The following IGF1R variants were observed in gnomAD, a reference collection of about 807,000 sequenced individuals.
The protein encoded by IGF1R is insulin like growth factor 1 receptor, also known as insulin-like growth factor 1 receptor.
A neutral mutation model predicts 144.6 loss-of-function variants in IGF1R; 44 were observed. That is an observed-to-expected ratio of 0.30 (90% confidence interval 0.24 to 0.39). IGF1R has a LOEUF of 0.39. Ranked by LOEUF, IGF1R falls within the 10% of genes least tolerant of loss-of-function variation. The pLI is 1.00. For missense variants in IGF1R, 1,355 were observed against 1,833.7 expected, an observed-to-expected ratio of 0.74 and a Z score of 4.77; for synonymous variants, 795 against 722.8, an observed-to-expected ratio of 1.10 and a Z score of -1.60.
intron 1 of IGF1R, among the ~76,000 whole-genome samples, chr15:98,683,995 G>C (rs940858014): frequency 2.0e-5 from 3 of 152,178 alleles, no homozygotes; most frequent in Non-Finnish European, 2.9e-5. Flanking sequence ...GCCCTGAGCA[G>C]TATTGTCTTC....
At chr15:98,835,718 G>A (rs2057088110) in intron 2 of IGF1R, among the ~76,000 whole-genome samples, 1 of 152,220 alleles carries the variant, frequency 6.6e-6, no homozygotes, top group African/African-American at 2.4e-5. Flanking sequence ...TGTGGTTGGG[G>A]TCTGGGAATA....
Position 98,648,994 on chromosome 15 carries a change from GGCGGCGCTGAGGGAGGAGGCGGCGGCGA to G in IGF1R, c.-583_-556del. ...TTGGGAAGGAGCTCGCCGCGGCGGC[GGCGGCGCTGAGGGAGGAGGCGGCGGCGA>G]GCGGAGCCAGGAGGAGGAGGAGGAG... On this transcript the variant is annotated 5_prime_UTR_variant, in exon 1 of 21. Transcript: ENST00000650285. 4.6e-6 allele frequency: 1 copy of G among 215,344 alleles called. No homozygotes were observed. Among genetic ancestry groups the G allele is most frequent in the Non-Finnish European group, 9.3e-6 (1 of 108,074 alleles). 13.3% of individuals were successfully genotyped at this position (215,344 alleles called of 1,614,324 possible).
intron 4 of IGF1R, chr15:98,897,223 A>G: frequency 2.8e-6 from 1 of 361,902 alleles, no homozygotes; most frequent in Non-Finnish European, 5.2e-6. Flanking sequence ...CCATTGGATC[A>G]GACGTGTGAC....
rs2016095951 is a variant in IGF1R at position 98,935,214 on chromosome 15, G to A, written c.3187-102G>A. 3.0e-6 allele frequency: 3 copies of A among 990,412 alleles called. No individual in the cohort carries two copies. Among genetic ancestry groups the A allele is most frequent in the Non-Finnish European group, 4.7e-6 (3 of 636,032 alleles). The allele number at this position is 990,412 out of a possible 1,614,324, so 61.4% of individuals were successfully genotyped here. On this transcript the variant is annotated intron_variant, in intron 16 of 20. Transcript: ENST00000650285. The surrounding 1 kb of genome is among the most constrained non-coding windows in gnomAD (Gnocchi z 4.2). ...CTCACTGCTACCTTCAGACCCCTGTGCTCAGACCAGGCCGCAGCACCACAG... is the reference window on the plus strand; with the variant it reads ...CTCACTGCTACCTTCAGACCCCTGTACTCAGACCAGGCCGCAGCACCACAG...
chr15:98,748,716 T>C (rs1471431462), intron 2 of IGF1R, among the ~76,000 whole-genome samples: 1 of 152,244 alleles, frequency 6.6e-6, no homozygotes, highest in East Asian at 1.9e-4. Flanking sequence ...TTTCAGAGTA[T>C]GTGAACACTT....
chr15:98,950,855 C>T (rs1567219138), intron 20 of IGF1R, among the ~76,000 whole-genome samples: 1 of 152,128 alleles, frequency 6.6e-6, no homozygotes, highest in African/African-American at 2.4e-5. Flanking sequence ...ATTCCATAGT[C>T]TCAGAAATCA....
At chr15:98,672,352 G>A (rs1402508662) in intron 1 of IGF1R, among the ~76,000 whole-genome samples, 1 of 152,128 alleles carries the variant, frequency 6.6e-6, no homozygotes, top group Non-Finnish European at 1.5e-5. Flanking sequence ...ATCACCTGTG[G>A]TCGGGAGTTT....
At position 98,899,627 on chromosome 15, in the gene IGF1R, T is replaced by C; in HGVS notation, c.1247+6T>C. On this transcript the variant is annotated splice_donor_region_variant and intron_variant, in intron 5 of 20. Transcript: ENST00000650285. ...GGAGAGGAGCAGCTAGAAGGGTAAG[T>C]GCCCCAAATTTCATGAGCTGACGTT... 6.2e-7 allele frequency: 1 copy of C among 1,613,952 alleles called. No homozygotes were observed. The highest frequency in any genetic ancestry group is 8.5e-7 in the Non-Finnish European group (1 of 1,179,886).
At chr15:98,701,660 G>T (rs1283895204) in intron 1 of IGF1R, among the ~76,000 whole-genome samples, 3 of 152,074 alleles carry the variant, frequency 2.0e-5, no homozygotes, top group Non-Finnish European at 2.9e-5. Context: ...TATTTTTAAA[G>T]AAGAGTTGAT....
At position 98,708,126 on chromosome 15, in the gene IGF1R, G is replaced by A. The variant is rs1481962144; in HGVS notation, c.640+19G>A. The A allele has an allele frequency of 1.2e-6, 2 of 1,604,564 alleles. No individual in the cohort carries two copies. The highest frequency in any genetic ancestry group is 1.7e-6 in the Non-Finnish European group (2 of 1,173,208). The stretch of plus-strand genomic sequence containing the variant: ...CAGAAAAGTAAGAATGATGCTGACT[G>A]CTGCTTTCTCTCTGCCTCTCTCTCT... On this transcript the variant is annotated intron_variant, in intron 2 of 20. Coordinates refer to ENST00000650285, the MANE Select transcript of IGF1R (RefSeq NM_000875.5).
At chr15:98,916,909 A>G (rs761528168) in intron 10 of IGF1R, 33 bp downstream of exon 10, 14 of 1,586,874 alleles carry the variant, frequency 8.8e-6, no homozygotes, top group Non-Finnish European at 1.1e-5. Context: ...CAGTTGGCAA[A>G]ACCCACTGCT....
At chr15:98,665,754 G>A (rs1483271932) in intron 1 of IGF1R, among the ~76,000 whole-genome samples, 1 of 152,228 alleles carries the variant, frequency 6.6e-6, no homozygotes, top group Non-Finnish European at 1.5e-5. Flanking sequence ...TGCCAGAACA[G>A]GAGAAGGCTT....
In IGF1R at chr15:98,713,897, G is replaced by A. The variant is rs554372988; in HGVS notation, c.640+5790G>A. ...CCCTGAGTGCGTGTGAGAAGGCCTG[G>A]GCTTTGCCAGGAAATCCAGGAAGGC... On this transcript the variant is annotated intron_variant, in intron 2 of 20. Coordinates refer to ENST00000650285, the MANE Select transcript of IGF1R (RefSeq NM_000875.5). Among the ~76,000 whole-genome samples, 19 of 152,308 alleles carry A rather than the reference G, an allele frequency of 1.2e-4. No homozygotes were observed. In the East Asian group the frequency reaches 3.5e-3, roughly 28 times the overall value.
intron 2 of IGF1R, among the ~76,000 whole-genome samples, chr15:98,750,849 T>TG (rs2054992751): frequency 6.6e-6 from 1 of 152,140 alleles, no homozygotes; most frequent in East Asian, 1.9e-4. Context: ...TGCAATGGCG[T>TG]GATCACTACT....
intron 1 of IGF1R, among the ~76,000 whole-genome samples, chr15:98,669,104 G>C (rs1401912310): frequency 6.6e-6 from 1 of 152,192 alleles, no homozygotes; most frequent in Non-Finnish European, 1.5e-5. Context: ...AATCAGTATC[G>C]ATCAAGCCTT....
At chr15:98,762,599 G>T (rs1350033764) in intron 2 of IGF1R, among the ~76,000 whole-genome samples, 4 of 151,976 alleles carry the variant, frequency 2.6e-5, no homozygotes, top group African/African-American at 9.7e-5. Context: ...GTGGTGGCAC[G>T]TGCCTGTAAT....
intron 1 of IGF1R, among the ~76,000 whole-genome samples, chr15:98,701,129 G>T (rs574641090): frequency 6.6e-6 from 1 of 151,842 alleles, no homozygotes. Context: ...ATAGTATGCC[G>T]CTTACTGAGA....
chr15:98,865,584 C>T (rs2012391045), intron 2 of IGF1R, among the ~76,000 whole-genome samples: 2 of 152,282 alleles, frequency 1.3e-5, no homozygotes, highest in South Asian at 4.1e-4. Flanking sequence ...CCGGGCGTGG[C>T]TTTGTGGTTT....
intron 2 of IGF1R, among the ~76,000 whole-genome samples, chr15:98,763,473 T>A (rs1215654233): frequency 6.6e-6 from 1 of 151,804 alleles, no homozygotes; most frequent in Non-Finnish European, 1.5e-5. Context: ...TTTTTTTTTT[T>A]CTTTTTGAGA....
Sources: gnomAD v4.1 joint callset for allele counts (sites outside exome capture counted in the v4.1 genomes callset) on GRCh38, gnomAD v4.1.1 for gene constraint, Gnocchi (gnomAD v3.1) non-coding constraint, MANE v1.5 for transcripts, NCBI Gene and HGNC (gene_info 2026-07-23, HGNC 2026-07-21) for gene names.